ZEB2: variants seen among roughly 807,000 people sequenced by gnomAD.
ZEB2 encodes zinc finger E-box binding homeobox 2, also known as zinc finger E-box-binding homeobox 2.
Under a neutral mutation model 99.9 loss-of-function variants are expected in ZEB2, and 6 were observed. The ratio of observed to expected loss-of-function variants is 0.06; its 90% CI spans 0.03 to 0.12. The LOEUF (loss-of-function observed/expected upper bound fraction) is 0.12, where lower values mean the gene tolerates loss of function less well. Among genes scored for constraint, ZEB2 ranks in the 10% least tolerant of loss-of-function variants. The pLI is 1.00. For synonymous variants in ZEB2, 517 were observed against 542.5 expected (o/e 0.95, Z 0.65); for missense variants, 969 against 1,502.8 (o/e 0.64, Z 5.87).
chr2:144,473,332 T>C (rs1157305936), intron 2 of ZEB2, among the ~76,000 whole-genome samples: 1 of 152,176 alleles, frequency 6.6e-6, no homozygotes, highest in Non-Finnish European at 1.5e-5. Context: ...TGTCATGGTA[T>C]TGAATTTGCC....
intron 2 of ZEB2, among the ~76,000 whole-genome samples, chr2:144,493,652 A>G (rs1161896460): frequency 6.6e-6 from 1 of 152,116 alleles, no homozygotes; most frequent in Non-Finnish European, 1.5e-5. Context: ...GAAACAGTGA[A>G]GCAGCTCGCC....
chr2:144,487,795 C>T (rs765386976), intron 2 of ZEB2, among the ~76,000 whole-genome samples: 2 of 152,050 alleles, frequency 1.3e-5, no homozygotes, highest in African/African-American at 2.4e-5. Context: ...AGGATAATTA[C>T]GGTAAAAAGT....
chr2:144,481,801 A>G (rs1031580700), intron 2 of ZEB2, among the ~76,000 whole-genome samples: 1 of 152,216 alleles, frequency 6.6e-6, no homozygotes, highest in Admixed American at 6.5e-5. Flanking sequence ...CAATTTCAAA[A>G]CTGATGATTA....
intron 2 of ZEB2, chr2:144,495,103 A>G (rs879583077): frequency 2.6e-5 from 4 of 152,196 alleles, no homozygotes; most frequent in Non-Finnish European, 5.9e-5. Context: ...AACTGCTCCA[A>G]GCAAGGAAAT....
At position 144,384,862 on chromosome 2, in the gene ZEB2, T is replaced by C. The variant is rs1457973835; in HGVS notation, c.*4589A>G. 3 of 152,140 alleles carry C rather than the reference T, an allele frequency of 2.0e-5. No homozygotes were observed. The highest frequency in any genetic ancestry group is 2.1e-4 in the South Asian group (1 of 4,834). 9.4% of individuals were successfully genotyped at this position (152,140 alleles called of 1,614,324 possible). A position where few individuals can be genotyped will look rare whatever the true frequency, so the allele number is the denominator to read the frequency against. On this transcript the variant is annotated 3_prime_UTR_variant, in exon 10 of 10. Coordinates refer to ENST00000627532, the MANE Select transcript of ZEB2 (RefSeq NM_014795.4). ...CTTTTTTTATGATGGGCACAAGCCA[T>C]GTATTTTCTTCATCTTTGTTACACG...
At chr2:144,462,121 G>A (rs17677434) in intron 2 of ZEB2, 8,600 of 152,086 alleles carry the variant, frequency 0.057, 290 homozygotes, top group Non-Finnish European at 0.08. Flanking sequence ...TTAGTAAAGA[G>A]GTGCAATAAC....
intron 4 of ZEB2, among the ~76,000 whole-genome samples, chr2:144,421,811 AACTCTC>A (rs1474833844): frequency 6.6e-6 from 1 of 152,118 alleles, no homozygotes; most frequent in Non-Finnish European, 1.5e-5. Flanking sequence ...ATATTTGCAT[AACTCTC>A]AAATCTCTAT....
At chr2:144,471,522 T>C (rs1419099269) in intron 2 of ZEB2, among the ~76,000 whole-genome samples, 1 of 151,624 alleles carries the variant, frequency 6.6e-6, no homozygotes, top group East Asian at 2.0e-4. Context: ...CTCTCTCTCT[T>C]TCTTTTTTTT....
At chr2:144,419,506 A>C (rs1054402207) in intron 4 of ZEB2, among the ~76,000 whole-genome samples, 1 of 152,212 alleles carries the variant, frequency 6.6e-6, no homozygotes, top group African/African-American at 2.4e-5. Flanking sequence ...CCCTATTTGG[A>C]TATTGATATG....
chr2:144,512,567 G>A (rs149772723), intron 2 of ZEB2: 5 of 1,287,056 alleles, frequency 3.9e-6, no homozygotes, highest in Non-Finnish European at 4.0e-6. Flanking sequence ...TACCCTATTT[G>A]AAAACAAATG....
At chr2:144,442,133 G>A (rs990323328) in intron 2 of ZEB2, among the ~76,000 whole-genome samples, 4 of 152,210 alleles carry the variant, frequency 2.6e-5, no homozygotes, top group African/African-American at 9.6e-5. Flanking sequence ...AATGTCTCTT[G>A]GAGGTGAAGA....
At chr2:144,484,111 G>A (rs1458007971) in intron 2 of ZEB2, among the ~76,000 whole-genome samples, 2 of 151,332 alleles carry the variant, frequency 1.3e-5, no homozygotes, top group East Asian at 1.9e-4. Context: ...GTTCCCACAT[G>A]GTCTTTCCAT....
At chr2:144,423,574 C>A (rs1277814617) in intron 4 of ZEB2, among the ~76,000 whole-genome samples, 1 of 152,172 alleles carries the variant, frequency 6.6e-6, no homozygotes, top group Non-Finnish European at 1.5e-5. Flanking sequence ...GGGTTACAAT[C>A]TAGTCATTGT....
intron 9 of ZEB2, among the ~76,000 whole-genome samples, chr2:144,390,776 C>T (rs1380179385): frequency 1.3e-5 from 2 of 152,170 alleles, no homozygotes; most frequent in African/African-American, 2.4e-5. Context: ...TTTCCTTTGG[C>T]ATTCCAGGCA....
chr2:144,514,240 C>T (rs150090413), intron 2 of ZEB2: 6 of 184,714 alleles, frequency 3.2e-5, no homozygotes, highest in Admixed American at 2.2e-4. Flanking sequence ...TGTCTTCTAA[C>T]TCACGTTCTT....
intron 2 of ZEB2, among the ~76,000 whole-genome samples, chr2:144,447,706 G>A (rs1465223578): frequency 2.0e-5 from 3 of 152,166 alleles, no homozygotes; most frequent in Non-Finnish European, 4.4e-5. Flanking sequence ...GCTGAGTAAG[G>A]GACTGCAGCT....
chr2:144,450,916 G>A (rs1225655737), intron 2 of ZEB2, among the ~76,000 whole-genome samples: 1 of 152,166 alleles, frequency 6.6e-6, no homozygotes, highest in Non-Finnish European at 1.5e-5. Flanking sequence ...GACCTCAGGT[G>A]ATCCGCCTGC....
At chr2:144,441,209 A>AGAGAGAGAGAGAGAGAGAGAGAGAC (rs1553965039) in intron 2 of ZEB2, among the ~76,000 whole-genome samples, 1 of 24,274 alleles carries the variant, frequency 4.1e-5, no homozygotes, top group Non-Finnish European at 1.1e-4. Flanking sequence ...GAGAGAGAGA[A>AGAGAGAGAGAGAGAGAGAGAGAGAC]CCTCATGCCT....
intron 9 of ZEB2, among the ~76,000 whole-genome samples, chr2:144,396,085 A>T (rs978416916): frequency 6.6e-6 from 1 of 152,158 alleles, no homozygotes; most frequent in Non-Finnish European, 1.5e-5. Context: ...AAGCTTTGAA[A>T]CTTAAGAATT....
Sources: gnomAD v4.1 joint callset for allele counts (sites outside exome capture counted in the v4.1 genomes callset) on GRCh38, gnomAD v4.1.1 for gene constraint, MANE v1.5 for transcripts, NCBI Gene and HGNC (gene_info 2026-07-23, HGNC 2026-07-21) for gene names.